The following XPC variants were observed in gnomAD, a reference collection of about 807,000 sequenced individuals.
XPC encodes XPC complex subunit, DNA damage recognition and repair factor.
XPC carries 76 observed loss-of-function variants against 95.8 expected under a neutral mutation model. The observed-to-expected ratio is 0.79, with a 90% CI of 0.66 to 0.96. The LOEUF is 0.96. Ranked by LOEUF, XPC falls within the 40% of genes least tolerant of loss-of-function variation. The pLI is 0.00. For missense variants in XPC, 1,146 were observed against 1,179.8 expected (o/e 0.97, Z 0.42); for synonymous variants, 442 against 442.1 (o/e 1.00, Z 0.00).
At chr3:14,155,483 C>T (rs1418806962) in intron 10 of XPC, among the ~76,000 whole-genome samples, 2 of 151,394 alleles carry the variant, frequency 1.3e-5, no homozygotes, top group Non-Finnish European at 2.9e-5. Context: ...TCATTTTTTG[C>T]TCTTATTCCA....
In XPC at chr3:14,147,911, C is replaced by T. The variant is rs745516860; in HGVS notation, c.2511G>A (p.Lys837=). The change falls in exon 14 of 16, where the codon AAG becomes AAA. Residue 837 remains lysine (K), a synonymous_variant. Transcript: ENST00000285021. ...NEQAVIERKE[K]EKKEKRALGN... is the part of the protein sequence containing the mutation. ...TCAGTCCTGCATATGCGCTTACCTC[C>T]TTCTCCTTCCTTTCAATGACTGCCT... 3.1e-5 allele frequency: 50 copies of T among 1,599,096 alleles called. No individual in the cohort carries two copies. The highest frequency in any genetic ancestry group is 4.0e-5 in the African/African-American group (3 of 74,782).
rs534603457 is a variant in XPC, at chr3:14,168,449, A to C, written c.413-69T>G. On this transcript the variant is annotated intron_variant, in intron 3 of 15. Transcript: ENST00000285021. ...AATAATAGCTACTGTACTGAACAGA[A>C]TCAAGGTTCTGCTGGGAAGGAGGAA... 2.5e-6 allele frequency: 4 copies of C among 1,578,284 alleles called. No individual in the cohort carries two copies. In the South Asian group the frequency reaches 4.6e-5, roughly 18 times the overall value.
Position 14,148,643 on chromosome 3 carries a change from T to C in XPC, c.2339A>G (p.His780Arg). The C allele has an allele frequency of 6.2e-7, 1 of 1,613,926 alleles. No individual in the cohort carries two copies. The highest frequency in any genetic ancestry group is 1.3e-5 in the African/African-American group (1 of 75,030). ...GATGTCCAGCTTGCGGGCCACGCGG[T>C]GTAGATTGGGCAGGTTCAGCTGGAC... ...GCVQLNLPNL[H>R]RVARKLDIDC... Residue 780 changes from histidine (H) to arginine (R), a missense_variant, in exon 13 of 16, where the codon CAC becomes CGC. Transcript: ENST00000285021.
At chr3:14,157,471 ACATAGCTGT>A (rs1187031741) in intron 9 of XPC, among the ~76,000 whole-genome samples, 1 of 152,130 alleles carries the variant, frequency 6.6e-6, no homozygotes, top group African/African-American at 2.4e-5. Context: ...GGATCAAGTG[ACATAGCTGT>A]CATGTTCTAG....
At chr3:14,177,369 C>T (rs1297663379) in intron 1 of XPC, among the ~76,000 whole-genome samples, 14 of 152,002 alleles carry the variant, frequency 9.2e-5, no homozygotes, top group African/African-American at 3.4e-4. Flanking sequence ...TTAGTATCCG[C>T]GGGGTATCTG....
intron 7 of XPC, 61 bp from the exon 8 acceptor site, chr3:14,159,891 AAT>A (rs1185139163): frequency 1.3e-6 from 2 of 1,482,506 alleles, no homozygotes; most frequent in African/African-American, 2.8e-5. Context: ...TAATGAGTTC[AAT>A]GTTGTTTGTT....
chr3:14,156,128 T>C (rs1364133695), intron 10 of XPC, among the ~76,000 whole-genome samples: 1 of 152,196 alleles, frequency 6.6e-6, no homozygotes, highest in Non-Finnish European at 1.5e-5. Context: ...GTAACTGTTT[T>C]TCCCCTGCCA....
chr3:14,170,314 A>G, intron 3 of XPC, 124 bp downstream of exon 3: 1 of 883,678 alleles, frequency 1.1e-6, no homozygotes. Context: ...GTACAACCTT[A>G]TCTGTGGTCT....
intron 1 of XPC, among the ~76,000 whole-genome samples, chr3:14,174,252 T>C (rs1391723148): frequency 6.6e-6 from 1 of 152,196 alleles, no homozygotes; most frequent in African/African-American, 2.4e-5. Context: ...GTACAAATTA[T>C]TTCAAAATTA....
At position 14,147,325 on chromosome 3, in the gene XPC, T is replaced by G; in HGVS notation, c.2569A>C (p.Ile857Leu). The G allele has an allele frequency of 6.2e-7, 1 of 1,612,190 alleles. No individual in the cohort carries two copies. The highest frequency in any genetic ancestry group is 8.5e-7 in the Non-Finnish European group (1 of 1,179,256). The change falls in exon 15 of 16, where the codon ATC becomes CTC. Residue 857 changes from isoleucine to leucine, a missense_variant. Coordinates refer to ENST00000285021, the MANE Select transcript of XPC (RefSeq NM_004628.5). ...NWKLLAKGLL[I>L]RERLKRRYGP... is the part of the protein sequence containing the mutation. ...TAGCGACGCTTCAGCCTCTCCCTGA[T>G]GAGCAGACCTTTGGCCAGCAACTTC... is the stretch of plus-strand genomic sequence containing the variant.
intron 14 of XPC, 164 bp from the exon 15 acceptor site, chr3:14,147,543 A>G: frequency 2.8e-6 from 2 of 708,722 alleles, no homozygotes; most frequent in Non-Finnish European, 4.7e-6. Flanking sequence ...CTGATTTACA[A>G]AGTGATATAC....
rs1334170898 is a variant in XPC, at chr3:14,156,605, G to A, written c.1873-110C>T. ...TTCTGACAACAGATGGTGGAGCCAA[G>A]GTTTCATGAACACTAATGGTTTTGT... is the stretch of plus-strand genomic sequence containing the variant. On this transcript the variant is annotated intron_variant, in intron 9 of 15. Coordinates refer to ENST00000285021, the MANE Select transcript of XPC (RefSeq NM_004628.5). The A allele has an allele frequency of 2.0e-6, 3 of 1,472,886 alleles. No individual in the cohort carries two copies. The African/African-American group carries it at 4.2e-5, about 21-fold the overall frequency. 91.2% of individuals were successfully genotyped at this position (1,472,886 alleles called of 1,614,324 possible).
chr3:14,161,064 G>A (rs987376243), intron 7 of XPC, among the ~76,000 whole-genome samples: 2 of 152,128 alleles, frequency 1.3e-5, no homozygotes, highest in African/African-American at 2.4e-5. Context: ...AGAACTGTAC[G>A]ATCCCTACAA....
chr3:14,171,838 G>GGGGAC (rs755570267), intron 2 of XPC, among the ~76,000 whole-genome samples: 105 of 152,212 alleles, frequency 6.9e-4, no homozygotes, highest in Non-Finnish European at 1.3e-3. Context: ...GGACCGGGAT[G>GGGGAC]GGGACGGGAC....
At chr3:14,147,169 G>A (rs1695473066) in intron 15 of XPC, 121 bp downstream of exon 15, 1 of 1,031,912 alleles carries the variant, frequency 9.7e-7, no homozygotes. Context: ...AGACTGAGGT[G>A]TCCTAACACA....
At chr3:14,157,102 G>A (rs1695946107) in intron 9 of XPC, among the ~76,000 whole-genome samples, 1 of 152,172 alleles carries the variant, frequency 6.6e-6, no homozygotes, top group African/African-American at 2.4e-5. Context: ...TGCTGAGAGT[G>A]GGAGAGGACG....
intron 1 of XPC, among the ~76,000 whole-genome samples, chr3:14,176,366 G>C (rs1371391770): frequency 6.6e-6 from 1 of 152,140 alleles, no homozygotes; most frequent in African/African-American, 2.4e-5. Flanking sequence ...TTCAGAGAGC[G>C]TTCCCCGATC....
At chr3:14,156,179 C>A (rs920022558) in intron 10 of XPC, among the ~76,000 whole-genome samples, 156 bp downstream of exon 10, 1 of 152,134 alleles carries the variant, frequency 6.6e-6, no homozygotes, top group African/African-American at 2.4e-5. Flanking sequence ...TTTCTTCTCT[C>A]CTACACATCA....
At chr3:14,166,963 G>C (rs541076162) in intron 5 of XPC, among the ~76,000 whole-genome samples, 1 of 152,298 alleles carries the variant, frequency 6.6e-6, no homozygotes, top group East Asian at 1.9e-4. Context: ...GCATTGTGCT[G>C]CAAGTTACCT....
Sources: allele counts gnomAD v4.1 joint callset (sites outside exome capture counted in the v4.1 genomes callset), GRCh38; gene constraint gnomAD v4.1.1; transcripts MANE v1.5; gene names NCBI Gene and HGNC (gene_info 2026-07-23, HGNC 2026-07-21).